The following POU2AF1 variants were observed in gnomAD, a reference collection of about 807,000 sequenced individuals.
POU2AF1 encodes the protein POU class 2 homeobox associating factor 1, also known as POU domain class 2-associating factor 1.
POU2AF1 carries 12 observed loss-of-function variants against 26.3 expected under a neutral mutation model. That is an observed-to-expected ratio of 0.46 (90% CI 0.29 to 0.74). The LOEUF (loss-of-function observed/expected upper bound fraction) is 0.74, where lower values mean the gene tolerates loss of function less well. POU2AF1 is among the 30% of genes least tolerant of loss of function. The pLI is 0.09. For synonymous variants in POU2AF1, 175 were observed against 148.0 expected (o/e 1.18, Z -1.32); for missense variants, 297 against 334.5 (o/e 0.89, Z 0.87).
chr11:111,360,304 G>A (rs755455208), intron 1 of POU2AF1, among the ~76,000 whole-genome samples: 12 of 152,114 alleles, frequency 7.9e-5, no homozygotes, highest in African/African-American at 1.2e-4. Flanking sequence ...TCAAAGTCCC[G>A]GAAGCCTAGG....
intron 1 of POU2AF1, among the ~76,000 whole-genome samples, chr11:111,373,624 T>C (rs968721375): frequency 1.3e-5 from 2 of 152,226 alleles, no homozygotes; most frequent in East Asian, 3.8e-4. Context: ...CCAGGAAAAT[T>C]AGCCAGGAAA....
rs1861376906 is a variant in POU2AF1, at chr11:111,379,255, C to T, written c.-78G>A. ...TTAATGTGAGACCGGGGTGTGTTTT[C>T]CTCCAGTGGAGCCACCGCTTGAGCT... On this transcript the variant is annotated 5_prime_UTR_variant, in exon 1 of 5. Transcript: ENST00000393067. 6.3e-7 allele frequency: 1 copy of T among 1,581,600 alleles called. No homozygotes were observed. Among genetic ancestry groups the T allele is most frequent in the South Asian group, 1.1e-5 (1 of 90,408 alleles).
rs1860755387 is a variant in POU2AF1, at chr11:111,352,955, GAA to G, written c.*1304_*1305del. On this transcript the variant is annotated 3_prime_UTR_variant, in exon 5 of 5. Transcript: ENST00000393067. ...CCCAAAAAAAACCAAAAAAAAGAAA[GAA>G]AGAGAGAGGAAGGAAGGAAGGAAGG... 5 of 160,746 alleles carry G rather than the reference GAA, an allele frequency of 3.1e-5. No individual in the cohort carries two copies. The South Asian group carries it at 6.8e-4, about 22-fold the overall frequency. The allele number at this position is 160,746 out of a possible 1,614,324, so 10.0% of individuals were successfully genotyped here.
chr11:111,364,862 T>A (rs1011049522), intron 1 of POU2AF1, among the ~76,000 whole-genome samples: 2 of 152,186 alleles, frequency 1.3e-5, no homozygotes, highest in Non-Finnish European at 2.9e-5. Flanking sequence ...CCTTATTTGA[T>A]CAAGGCTTGA....
intron 1 of POU2AF1, among the ~76,000 whole-genome samples, chr11:111,366,972 C>T (rs978725727): frequency 2.6e-5 from 4 of 152,302 alleles, no homozygotes; most frequent in African/African-American, 9.6e-5. Flanking sequence ...CTCCACCAAG[C>T]TCAGACCTGA....
At chr11:111,357,338 T>A in intron 4 of POU2AF1, 107 bp downstream of exon 4, 1 of 1,498,072 alleles carries the variant, frequency 6.7e-7, no homozygotes, top group Non-Finnish European at 9.2e-7. Flanking sequence ...ATGACCTGAT[T>A]ATCTTGAGAA....
intron 1 of POU2AF1, among the ~76,000 whole-genome samples, chr11:111,377,530 A>G (rs1431578768): frequency 6.6e-6 from 1 of 152,202 alleles, no homozygotes; most frequent in Non-Finnish European, 1.5e-5. Flanking sequence ...CAGACAGAGC[A>G]ATGAACATGA....
At chr11:111,378,604 A>G (rs2135145353) in intron 1 of POU2AF1, among the ~76,000 whole-genome samples, 1 of 152,322 alleles carries the variant, frequency 6.6e-6, no homozygotes, top group East Asian at 1.9e-4. Context: ...AGAATGACGA[A>G]AGGCAAGACA....
chr11:111,362,295 T>C (rs571073001), intron 1 of POU2AF1, among the ~76,000 whole-genome samples: 1 of 152,356 alleles, frequency 6.6e-6, no homozygotes, highest in African/African-American at 2.4e-5. Flanking sequence ...CAAGCATTTG[T>C]CACCTCTTTG....
intron 1 of POU2AF1, among the ~76,000 whole-genome samples, chr11:111,365,996 T>C (rs2135126991): frequency 6.6e-6 from 1 of 152,362 alleles, no homozygotes; most frequent in East Asian, 1.9e-4. Context: ...CTAATGTGGG[T>C]GCTTTTCTTA....
At chr11:111,374,386 T>G (rs1408652745) in intron 1 of POU2AF1, among the ~76,000 whole-genome samples, 1 of 152,244 alleles carries the variant, frequency 6.6e-6, no homozygotes, top group Non-Finnish European at 1.5e-5. Flanking sequence ...TGGATTCTAC[T>G]TGCCCTTAAC....
In POU2AF1 at chr11:111,354,368, C is replaced by G; in HGVS notation, c.664G>C (p.Asp222His). 1 of 1,614,216 alleles carries G rather than the reference C, an allele frequency of 6.2e-7. No individual in the cohort carries two copies. Among genetic ancestry groups the G allele is most frequent in the Non-Finnish European group, 8.5e-7 (1 of 1,180,036 alleles). ...AACGAGCTGGCGGCTCTTCTGGGGT[C>G]TTCCATGTCCTGAAGGACTGGCTCT... The part of the protein sequence containing the change: ...IPEPVLQDME[D>H]PRRAASSLTI... Residue 222 changes from aspartate (D) to histidine (H), a missense_variant, in exon 5 of 5, where the codon GAC becomes CAC. Asp to His is a moderately conservative substitution (Grantham distance 81, BLOSUM62 -1). Transcript: ENST00000393067.
At chr11:111,368,821 G>A (rs1861155065) in intron 1 of POU2AF1, among the ~76,000 whole-genome samples, 1 of 152,194 alleles carries the variant, frequency 6.6e-6, no homozygotes, top group Non-Finnish European at 1.5e-5. Flanking sequence ...CCATCTCAAA[G>A]GGTAATCATG....
intron 1 of POU2AF1, among the ~76,000 whole-genome samples, chr11:111,360,355 C>T (rs1254150743): frequency 6.6e-6 from 1 of 152,202 alleles, no homozygotes; most frequent in Non-Finnish European, 1.5e-5. Flanking sequence ...CCTGGTTGAA[C>T]TTTGCTCAGT....
chr11:111,358,125 G>C (rs539933954), intron 2 of POU2AF1, among the ~76,000 whole-genome samples: 2 of 152,194 alleles, frequency 1.3e-5, no homozygotes, highest in Admixed American at 1.3e-4. Context: ...CTCAGGCCTT[G>C]ACAGTAGCTG....
At chr11:111,374,486 C>G (rs971109463) in intron 1 of POU2AF1, among the ~76,000 whole-genome samples, 1 of 152,200 alleles carries the variant, frequency 6.6e-6, no homozygotes, top group Non-Finnish European at 1.5e-5. Flanking sequence ...CACTCGAGGT[C>G]AGGAGTTCGA....
In POU2AF1 at chr11:111,352,963, G is replaced by GAGAA. The variant is rs1555072804; in HGVS notation, c.*1297_*1298insTTCT. ...AAACCAAAAAAAAGAAAGAAAGAGA[G>GAGAA]AGGAAGGAAGGAAGGAAGGAAGGAA... is the stretch of plus-strand genomic sequence containing the variant. On this transcript the variant is annotated 3_prime_UTR_variant, in exon 5 of 5. Transcript: ENST00000393067. 2 of 136,512 alleles carry GAGAA rather than the reference G, an allele frequency of 1.5e-5. No homozygotes were observed. The highest frequency in any genetic ancestry group is 3.0e-5 in the Non-Finnish European group (2 of 67,404). 8.5% of individuals were successfully genotyped at this position (136,512 alleles called of 1,614,324 possible). A position where few individuals can be genotyped will look rare whatever the true frequency, so the allele number is the denominator to read the frequency against.
rs548173571 is a variant in POU2AF1, at chr11:111,358,512, TCA to T, written c.147+274_147+275del. Among the ~76,000 whole-genome samples, 311 of 74,776 alleles carry T rather than the reference TCA, an allele frequency of 4.2e-3. 2 individuals carry two copies. The highest frequency in any genetic ancestry group is 0.011 in the African/African-American group (287 of 25,698). 49.1% of individuals were successfully genotyped at this position (74,776 alleles called of 152,430 possible). A position where few individuals can be genotyped will look rare whatever the true frequency, so the allele number is the denominator to read the frequency against. ...CACATACACATTCTCTCTCACACTA[TCA>T]CACACTCACACACGCCATCACACAC... On this transcript the variant is annotated intron_variant, in intron 2 of 4. Coordinates refer to ENST00000393067, the MANE Select transcript of POU2AF1 (RefSeq NM_006235.3).
At chr11:111,378,927 A>G (rs1034401912) in intron 1 of POU2AF1, among the ~76,000 whole-genome samples, 7 of 152,054 alleles carry the variant, frequency 4.6e-5, no homozygotes, top group African/African-American at 1.7e-4. Flanking sequence ...ACCTTGGAAC[A>G]CTAGTTCGTT....
Sources: gnomAD v4.1 joint callset for allele counts (sites outside exome capture counted in the v4.1 genomes callset) on GRCh38, gnomAD v4.1.1 for gene constraint, MANE v1.5 for transcripts, NCBI Gene and HGNC (gene_info 2026-07-23, HGNC 2026-07-21) for gene names.